The following UNC5C variants were observed in gnomAD, a reference collection of about 807,000 sequenced individuals.
UNC5C encodes the protein netrin receptor UNC5C.
In UNC5C, 47 loss-of-function variants were observed where a neutral mutation model predicts 99.8. The observed-to-expected ratio is 0.47, with a 90% CI of 0.37 to 0.60. The LOEUF is 0.60. Among genes scored for constraint, UNC5C ranks in the 20% least tolerant of loss-of-function variants. UNC5C has a pLI of 0.00. For missense variants in UNC5C, 1,062 were observed against 1,165.9 expected (o/e 0.91, Z 1.30); for synonymous variants, 487 against 452.2 (o/e 1.08, Z -0.98).
At chr4:95,180,064 TCAGTGGCAC>T (rs1477078784) in intron 14 of UNC5C, among the ~76,000 whole-genome samples, 3 of 152,116 alleles carry the variant, frequency 2.0e-5, no homozygotes, top group Non-Finnish European at 2.9e-5. Context: ...CCTTATGGCA[TCAGTGGCAC>T]CAGTAAAAAT....
chr4:95,411,983 GTTT>G (rs113321414), intron 1 of UNC5C, among the ~76,000 whole-genome samples: 1 of 138,072 alleles, frequency 7.2e-6, no homozygotes. Flanking sequence ...GCTGTGGAAT[GTTT>G]TTTTTTTTTT....
intron 2 of UNC5C, among the ~76,000 whole-genome samples, chr4:95,303,993 A>T (rs926658751): frequency 6.6e-6 from 1 of 152,174 alleles, no homozygotes; most frequent in African/African-American, 2.4e-5. Context: ...AAATGACTAA[A>T]CACACTCAGG....
chr4:95,237,821 A>G (rs1046164790), intron 7 of UNC5C, among the ~76,000 whole-genome samples: 1 of 152,130 alleles, frequency 6.6e-6, no homozygotes, highest in African/African-American at 2.4e-5. Context: ...GACGCGGCAG[A>G]TGACGAGATC....
At chr4:95,306,482 A>G (rs1429123334) in intron 2 of UNC5C, among the ~76,000 whole-genome samples, 11 of 152,096 alleles carry the variant, frequency 7.2e-5, no homozygotes, top group Non-Finnish European at 1.6e-4. Flanking sequence ...GATTACAGGC[A>G]TGAGCCACCA....
chr4:95,479,173 G>T (rs1470795060), intron 1 of UNC5C, among the ~76,000 whole-genome samples: 1 of 152,042 alleles, frequency 6.6e-6, no homozygotes, highest in Non-Finnish European at 1.5e-5. Flanking sequence ...ATGCCTACCT[G>T]CTCTATTCTT....
At chr4:95,502,726 TAGAC>T (rs1560486538) in intron 1 of UNC5C, among the ~76,000 whole-genome samples, 1 of 152,176 alleles carries the variant, frequency 6.6e-6, no homozygotes, top group Non-Finnish European at 1.5e-5. Context: ...AAAATGAAAA[TAGAC>T]AGTTTTATTG....
At chr4:95,290,745 G>A (rs866770546) in intron 3 of UNC5C, among the ~76,000 whole-genome samples, 18 of 152,254 alleles carry the variant, frequency 1.2e-4, no homozygotes, top group Middle Eastern at 6.8e-3. Flanking sequence ...AAGGACAATC[G>A]ACTTTGATTT....
chr4:95,486,823 T>C (rs1276109771), intron 1 of UNC5C, among the ~76,000 whole-genome samples: 1 of 151,576 alleles, frequency 6.6e-6, no homozygotes, highest in Non-Finnish European at 1.5e-5. Context: ...TACTGCTACA[T>C]GCTATGGTTT....
intron 1 of UNC5C, among the ~76,000 whole-genome samples, chr4:95,339,210 C>A (rs1973244): frequency 0.14 from 21,663 of 152,028 alleles, 1,924 homozygotes; most frequent in Admixed American, 0.19. Context: ...AGCGTATTTG[C>A]AATGGTGTGC....
At chr4:95,307,127 A>T (rs1273224064) in intron 2 of UNC5C, among the ~76,000 whole-genome samples, 1 of 152,080 alleles carries the variant, frequency 6.6e-6, no homozygotes, top group Non-Finnish European at 1.5e-5. Context: ...TGATAACTTA[A>T]AAGGCAGAAT....
intron 1 of UNC5C, among the ~76,000 whole-genome samples, chr4:95,361,314 A>G (rs80249761): frequency 0.034 from 5,121 of 152,272 alleles, 124 homozygotes; most frequent in South Asian, 0.054. Flanking sequence ...CTACTTAAAT[A>G]AGCAGGTTGA....
intron 1 of UNC5C, among the ~76,000 whole-genome samples, chr4:95,371,578 G>C (rs986929648): frequency 6.6e-6 from 1 of 152,138 alleles, no homozygotes; most frequent in Admixed American, 6.5e-5. Flanking sequence ...ATTTGGATGA[G>C]TTACTTAACC....
At chr4:95,452,114 G>A (rs1055206143) in intron 1 of UNC5C, among the ~76,000 whole-genome samples, 2 of 152,120 alleles carry the variant, frequency 1.3e-5, no homozygotes, top group African/African-American at 4.8e-5. Context: ...TTGCTTCAAT[G>A]CTGATACATT....
In UNC5C at chr4:95,210,917, G is replaced by T. The variant is rs1030157643; in HGVS notation, c.1734-4121C>A. ...GCTCATGGTACACCTGTATGGCAGT[G>T]TATGTCTATTACCTCTTTTCCAGAA... On this transcript the variant is annotated intron_variant, in intron 10 of 15. Transcript: ENST00000453304. Among the ~76,000 whole-genome samples, 11 of 152,212 alleles carry T rather than the reference G, an allele frequency of 7.2e-5. 1 individual carries two copies. The highest frequency in any genetic ancestry group is 2.7e-4 in the African/African-American group (11 of 41,462).
At chr4:95,206,158 G>A (rs573674168) in intron 11 of UNC5C, among the ~76,000 whole-genome samples, 73 of 151,760 alleles carry the variant, frequency 4.8e-4, no homozygotes, top group African/African-American at 1.4e-3. Flanking sequence ...ATGCCACTGC[G>A]CCCGGCTAAT....
chr4:95,471,669 C>T (rs1374277206), intron 1 of UNC5C, among the ~76,000 whole-genome samples: 2 of 152,072 alleles, frequency 1.3e-5, no homozygotes, highest in Admixed American at 6.6e-5. Context: ...ATTTTTACGT[C>T]AAATTTCCTT....
intron 5 of UNC5C, among the ~76,000 whole-genome samples, chr4:95,249,372 G>A (rs527517086): frequency 6.6e-6 from 1 of 152,292 alleles, no homozygotes; most frequent in African/African-American, 2.4e-5. Flanking sequence ...CTAAAACAGT[G>A]ATAAAAATCT....
chr4:95,508,343 A>T (rs1418468560), intron 1 of UNC5C, among the ~76,000 whole-genome samples: 1 of 100,844 alleles, frequency 9.9e-6, no homozygotes, highest in Non-Finnish European at 2.2e-5. Context: ...CTTCTAAGAC[A>T]AGTGCTTAAT....
At chr4:95,462,602 C>T (rs1261683876) in intron 1 of UNC5C, among the ~76,000 whole-genome samples, 1 of 152,122 alleles carries the variant, frequency 6.6e-6, no homozygotes, top group Non-Finnish European at 1.5e-5. Context: ...TCAGATAAAG[C>T]TTTCTGAATG....
Sources: gnomAD v4.1 joint callset for allele counts (sites outside exome capture counted in the v4.1 genomes callset) on GRCh38, gnomAD v4.1.1 for gene constraint, MANE v1.5 for transcripts, NCBI Gene and HGNC (gene_info 2026-07-23, HGNC 2026-07-21) for gene names.